Variants in FAM20B observed in about 807,000 individuals in gnomAD.
FAM20B encodes the protein glycosaminoglycan xylosylkinase.
A neutral mutation model predicts 43.8 loss-of-function variants in FAM20B; 23 were observed. That is an observed-to-expected ratio of 0.53 (90% CI 0.38 to 0.74). The LOEUF is 0.74. FAM20B is among the 30% of genes least tolerant of loss of function. The pLI is 0.00. For synonymous variants in FAM20B, 178 were observed against 192.4 expected (o/e 0.93, Z 0.62); for missense variants, 440 against 510.5 (o/e 0.86, Z 1.33).
chr1:179,028,562 CAGTG>C (rs1409739660), intron 1 of FAM20B, among the ~76,000 whole-genome samples: 2 of 152,178 alleles, frequency 1.3e-5, no homozygotes, highest in Non-Finnish European at 2.9e-5. Flanking sequence ...AGACTGCTGA[CAGTG>C]AGACTCCGTC....
intron 4 of FAM20B, among the ~76,000 whole-genome samples, chr1:179,056,315 TC>T (rs1233786179): frequency 3.9e-5 from 6 of 152,184 alleles, no homozygotes; most frequent in Admixed American, 2.6e-4. Flanking sequence ...CTCTCTCCAA[TC>T]CCCTTGCAAC....
rs1651984096 is a variant in FAM20B, at chr1:179,072,835, G to GT, written c.*693dup. The stretch of plus-strand genomic sequence containing the variant: ...AGATGACTGAACTACTGAAAAACAG[G>GT]TTCCCTTGTATTTAGGATCTTAAGG... On this transcript the variant is annotated 3_prime_UTR_variant, in exon 8 of 8. Coordinates refer to ENST00000263733, the MANE Select transcript of FAM20B (RefSeq NM_014864.4). 1 of 152,116 alleles carries GT rather than the reference G, an allele frequency of 6.6e-6. No individual in the cohort carries two copies. 9.4% of individuals were successfully genotyped at this position (152,116 alleles called of 1,614,324 possible).
At chr1:179,064,597 G>A in intron 6 of FAM20B, 101 bp downstream of exon 6, 1 of 882,674 alleles carries the variant, frequency 1.1e-6, no homozygotes, top group South Asian at 1.8e-5. Flanking sequence ...GCAATTGATA[G>A]GCAACATCCT....
chr1:179,041,848 A>G (rs975375407), intron 1 of FAM20B, among the ~76,000 whole-genome samples: 9 of 152,184 alleles, frequency 5.9e-5, no homozygotes, highest in African/African-American at 2.2e-4. Flanking sequence ...GGGATATGCA[A>G]AAGTCCTTTA....
chr1:179,063,018 T>A (rs1357546453), intron 4 of FAM20B, among the ~76,000 whole-genome samples: 1 of 152,140 alleles, frequency 6.6e-6, no homozygotes, highest in Admixed American at 6.5e-5. Context: ...AGCTCACACC[T>A]GTAATCCCAG....
At chr1:179,053,235 A>G (rs923800523) in intron 3 of FAM20B, among the ~76,000 whole-genome samples, 4 of 152,180 alleles carry the variant, frequency 2.6e-5, no homozygotes, top group African/African-American at 2.4e-5. Flanking sequence ...TTGCCCCTCA[A>G]TGCTAAACTG....
chr1:179,026,551 C>T (rs967917207), intron 1 of FAM20B, among the ~76,000 whole-genome samples: 3 of 152,160 alleles, frequency 2.0e-5, no homozygotes, highest in African/African-American at 7.2e-5. Flanking sequence ...AGGGAGCGCG[C>T]CCTCGCGGGG....
chr1:179,039,310 T>G (rs148861832), intron 1 of FAM20B, among the ~76,000 whole-genome samples: 2 of 152,188 alleles, frequency 1.3e-5, no homozygotes, highest in Non-Finnish European at 2.9e-5. Flanking sequence ...CTTGACACCC[T>G]TGCAAAAATC....
chr1:179,059,985 A>T (rs1651391600), intron 4 of FAM20B, among the ~76,000 whole-genome samples: 1 of 151,988 alleles, frequency 6.6e-6, no homozygotes, highest in African/African-American at 2.4e-5. Context: ...AAAAAAAAAA[A>T]AATTCTGTGA....
intron 7 of FAM20B, among the ~76,000 whole-genome samples, chr1:179,069,081 T>C (rs988816277): frequency 6.6e-6 from 1 of 152,178 alleles, no homozygotes; most frequent in African/African-American, 2.4e-5. Context: ...GGTGAGCAGA[T>C]GGCCTTCAAA....
upstream of FAM20B, among the ~76,000 whole-genome samples, chr1:179,022,895 T>C (rs1431471977): frequency 1.3e-5 from 2 of 152,212 alleles, no homozygotes; most frequent in East Asian, 3.8e-4. Flanking sequence ...GGGAAGGCTA[T>C]GAAAGGCTTC....
chr1:179,049,744 G>A (rs1650921895), intron 2 of FAM20B, among the ~76,000 whole-genome samples: 1 of 152,210 alleles, frequency 6.6e-6, no homozygotes, highest in African/African-American at 2.4e-5. Context: ...GTTTCGCCAT[G>A]TTGGCCAGGC....
At chr1:179,061,253 T>C (rs1043538894) in intron 4 of FAM20B, among the ~76,000 whole-genome samples, 1 of 152,098 alleles carries the variant, frequency 6.6e-6, no homozygotes, top group Non-Finnish European at 1.5e-5. Flanking sequence ...TAATTTTGTA[T>C]TTTTAGTAGA....
the FAM20B span, among the ~76,000 whole-genome samples, chr1:179,020,088 G>A: frequency 6.6e-6 from 1 of 151,666 alleles, no homozygotes. Context: ...ACAAACTGTA[G>A]GACTGAAGAC....
At chr1:179,058,869 A>G (rs1651338603) in intron 4 of FAM20B, among the ~76,000 whole-genome samples, 1 of 152,212 alleles carries the variant, frequency 6.6e-6, no homozygotes, top group Non-Finnish European at 1.5e-5. Flanking sequence ...TGGGAGAGCA[A>G]TTGAGAGAGA....
chr1:179,025,629 A>G (rs75317895), upstream of FAM20B, among the ~76,000 whole-genome samples: 9,037 of 152,286 alleles, frequency 0.059, 337 homozygotes, highest in South Asian at 0.12. Flanking sequence ...AAAAGAAAAA[A>G]GAGCGAAGGA....
intron 4 of FAM20B, among the ~76,000 whole-genome samples, chr1:179,062,687 C>G (rs1438094696): frequency 6.6e-6 from 1 of 151,868 alleles, no homozygotes; most frequent in Middle Eastern, 3.2e-3. Context: ...AAAAAAACAC[C>G]CATCAATTCA....
In FAM20B at chr1:179,051,563, G is replaced by C. The variant is rs191036250; in HGVS notation, c.464+1198G>C. On this transcript the variant is annotated intron_variant, in intron 3 of 7. Coordinates refer to ENST00000263733, the MANE Select transcript of FAM20B (RefSeq NM_014864.4). ...GATTGCTTGAGCCTGGGAGGTCGAG[G>C]CTGCAGTGAGCTGTGATCACACCAC... Among the ~76,000 whole-genome samples the C allele has an allele frequency of 7.8e-4, 119 of 152,124 alleles. 1 individual carries two copies. The highest frequency in any genetic ancestry group is 2.8e-3 in the African/African-American group (116 of 41,502).
At chr1:179,031,894 A>G (rs1028930576) in intron 1 of FAM20B, among the ~76,000 whole-genome samples, 9 of 152,238 alleles carry the variant, frequency 5.9e-5, no homozygotes, top group Non-Finnish European at 8.8e-5. Context: ...GGATAAGTTC[A>G]TGCTTCCCAT....
Sources: allele counts gnomAD v4.1 joint callset (sites outside exome capture counted in the v4.1 genomes callset), GRCh38; gene constraint gnomAD v4.1.1; transcripts MANE v1.5; gene names NCBI Gene and HGNC (gene_info 2026-07-23, HGNC 2026-07-21).